MRAP2: variants seen among roughly 807,000 people sequenced by gnomAD.
MRAP2 encodes melanocortin-2 receptor accessory protein 2.
A neutral mutation model predicts 17.4 loss-of-function variants in MRAP2; 20 were observed. The ratio of observed to expected loss-of-function variants is 1.15; its 90% CI spans 0.81 to 1.67. MRAP2 has a LOEUF of 1.67. MRAP2 is among the 40% of genes most tolerant of loss of function. The pLI, the probability that MRAP2 is intolerant of heterozygous loss-of-function variation, is 0.00. For synonymous variants in MRAP2, 96 were observed against 88.4 expected (o/e 1.09, Z -0.48); for missense variants, 238 against 240.0 (o/e 0.99, Z 0.05).
the MRAP2 span, among the ~76,000 whole-genome samples, chr6:84,121,359 C>T: frequency 2.0e-5 from 3 of 152,048 alleles, no homozygotes; most frequent in South Asian, 2.1e-4. Flanking sequence ...ACTGCACAAG[C>T]GTGGCCAGGC....
At chr6:84,078,370 A>C (rs994148909) in intron 3 of MRAP2, among the ~76,000 whole-genome samples, 1 of 152,244 alleles carries the variant, frequency 6.6e-6, no homozygotes, top group Non-Finnish European at 1.5e-5. Context: ...GCCAATAAGC[A>C]CAGTAAGAGA....
intron 1 of MRAP2, chr6:84,035,518 G>A (rs1239719536): frequency 1.7e-5 from 10 of 595,848 alleles, no homozygotes; most frequent in Non-Finnish European, 2.1e-5. Context: ...GCAAATAGCA[G>A]TTTTTAAAAC....
At chr6:84,091,058 A>G (rs1489467867), downstream of MRAP2, among the ~76,000 whole-genome samples, 1 of 152,126 alleles carries the variant, frequency 6.6e-6, no homozygotes, top group Non-Finnish European at 1.5e-5. Context: ...GCTAAAAGAA[A>G]TCCCTTTTCT....
chr6:84,040,083 A>G (rs1482419131), intron 1 of MRAP2, among the ~76,000 whole-genome samples: 5 of 152,058 alleles, frequency 3.3e-5, no homozygotes, highest in African/African-American at 4.8e-5. Context: ...CATAATCCCC[A>G]TGTGTCGTGG....
chr6:84,053,743 T>C (rs961177760), intron 1 of MRAP2, among the ~76,000 whole-genome samples: 5 of 152,378 alleles, frequency 3.3e-5, no homozygotes. Context: ...AAGTGGGTAC[T>C]ATAATCATCT....
the MRAP2 span, among the ~76,000 whole-genome samples, chr6:84,099,065 G>A: frequency 6.6e-6 from 1 of 150,994 alleles, no homozygotes; most frequent in African/African-American, 2.4e-5. Context: ...TTTTTTTCTA[G>A]AAGTTCTATA....
Position 84,086,532 on chromosome 6 carries a change from C to T in MRAP2, c.228-2559C>T, listed in dbSNP as rs888131707. Among the ~76,000 whole-genome samples the T allele has an allele frequency of 7.2e-5, 11 of 152,128 alleles. 1 individual carries two copies. Among genetic ancestry groups the T allele is most frequent in the Non-Finnish European group, 4.4e-5 (3 of 68,026 alleles). On this transcript the variant is annotated intron_variant, in intron 3 of 3. Transcript: ENST00000257776. ...ACAACATACAGGTCCTTTTGTTTAT[C>T]AGTCAAGGAAAGAAGAAACAAATAA...
intron 2 of MRAP2, among the ~76,000 whole-genome samples, chr6:84,057,200 T>C (rs1029017222): frequency 6.6e-6 from 1 of 152,190 alleles, no homozygotes; most frequent in Admixed American, 6.5e-5. Context: ...TGTTGAAATG[T>C]GTGCTCTGGT....
At chr6:84,063,176 G>A (rs1250845979) in intron 3 of MRAP2, 184 bp downstream of exon 3, 13 of 985,226 alleles carry the variant, frequency 1.3e-5, no homozygotes, top group South Asian at 4.7e-5. Flanking sequence ...TGTTTCTTGC[G>A]TCTTGGGCTT....
At chr6:84,036,825 T>G (rs961948729) in intron 1 of MRAP2, among the ~76,000 whole-genome samples, 8 of 152,200 alleles carry the variant, frequency 5.3e-5, no homozygotes, top group African/African-American at 1.9e-4. Flanking sequence ...ATTAGTGCAT[T>G]TACAATCCCT....
At chr6:84,121,771 A>T in the MRAP2 span, among the ~76,000 whole-genome samples, 2 of 152,216 alleles carry the variant, frequency 1.3e-5, no homozygotes, top group Non-Finnish European at 2.9e-5. Flanking sequence ...TAGAGACATA[A>T]CATACCAAAA....
intron 3 of MRAP2, among the ~76,000 whole-genome samples, chr6:84,079,016 A>C (rs1180635595): frequency 6.6e-6 from 1 of 152,200 alleles, no homozygotes; most frequent in Non-Finnish European, 1.5e-5. Context: ...GTTTCTCATA[A>C]AGTTAAGCAT....
chr6:84,121,077 A>T, the MRAP2 span, among the ~76,000 whole-genome samples: 831 of 141,912 alleles, frequency 5.9e-3, 7 homozygotes, highest in Middle Eastern at 0.021. Flanking sequence ...TTATTTTTTA[A>T]TTTTTTTTTT....
At chr6:84,093,875 C>A (rs993895796), downstream of MRAP2, among the ~76,000 whole-genome samples, 5 of 152,134 alleles carry the variant, frequency 3.3e-5, no homozygotes, top group Admixed American at 2.0e-4. Context: ...CAGGAACTTG[C>A]GGTTAACAGC....
the MRAP2 span, among the ~76,000 whole-genome samples, chr6:84,138,868 T>C: frequency 6.6e-6 from 1 of 152,338 alleles, no homozygotes; most frequent in African/African-American, 2.4e-5. Flanking sequence ...TCTTAAACAC[T>C]GAAAAGAATG....
chr6:84,094,064 A>G (rs73750505), downstream of MRAP2, among the ~76,000 whole-genome samples: 2,427 of 152,308 alleles, frequency 0.016, 52 homozygotes, highest in African/African-American at 0.055. Flanking sequence ...TCTCCTGGAT[A>G]TATCACAGAA....
chr6:84,071,696 C>T (rs1403081250), intron 3 of MRAP2, among the ~76,000 whole-genome samples: 1 of 152,128 alleles, frequency 6.6e-6, no homozygotes, highest in Admixed American at 6.5e-5. Context: ...TTAGAATTCT[C>T]TTCTTCCTCA....
chr6:84,046,586 C>A (rs1358747664), intron 1 of MRAP2, among the ~76,000 whole-genome samples: 1 of 151,836 alleles, frequency 6.6e-6, no homozygotes, highest in Non-Finnish European at 1.5e-5. Context: ...TGGAGATCAT[C>A]CTGGCTAACA....
At chr6:84,109,681 C>G in the MRAP2 span, among the ~76,000 whole-genome samples, 2 of 151,962 alleles carry the variant, frequency 1.3e-5, no homozygotes, top group South Asian at 4.2e-4. Flanking sequence ...ATACACGTGC[C>G]ATAATTGTTT....
Sources: allele counts gnomAD v4.1 joint callset (sites outside exome capture counted in the v4.1 genomes callset), GRCh38; gene constraint gnomAD v4.1.1; transcripts MANE v1.5; gene names NCBI Gene and HGNC (gene_info 2026-07-23, HGNC 2026-07-21).